Variants in ZFAND3 observed in about 807,000 individuals in gnomAD.
The protein encoded by ZFAND3 is AN1-type zinc finger protein 3.
Under a neutral mutation model 29.6 loss-of-function variants are expected in ZFAND3, and 10 were observed. That is an observed-to-expected ratio of 0.34 (90% CI 0.21 to 0.57). The LOEUF (loss-of-function observed/expected upper bound fraction) is 0.57. Among genes scored for constraint, ZFAND3 ranks in the 20% least tolerant of loss-of-function variants. The probability of loss-of-function intolerance (pLI) is 0.86; values close to 1 mark genes in which losing one functional copy is unlikely to be tolerated. For missense variants in ZFAND3, 230 were observed against 304.5 expected, an observed-to-expected ratio of 0.76 and a Z score of 1.82; for synonymous variants, 128 against 112.6, an observed-to-expected ratio of 1.14 and a Z score of -0.87.
At chr6:37,840,065 C>A (rs1387137580) in intron 1 of ZFAND3, among the ~76,000 whole-genome samples, 3 of 151,880 alleles carry the variant, frequency 2.0e-5, no homozygotes, top group Admixed American at 6.6e-5. Context: ...AATAGTTTTA[C>A]AGTTTTAGCT....
At chr6:38,063,528 G>C (rs1764283481) in intron 3 of ZFAND3, among the ~76,000 whole-genome samples, 1 of 152,150 alleles carries the variant, frequency 6.6e-6, no homozygotes, top group Admixed American at 6.5e-5. Context: ...TGGTCCTTAT[G>C]TATTAAAGAC....
intron 1 of ZFAND3, among the ~76,000 whole-genome samples, chr6:37,904,086 GA>G (rs1765367076): frequency 6.6e-6 from 1 of 152,166 alleles, no homozygotes; most frequent in African/African-American, 2.4e-5. Flanking sequence ...AATGCTGACA[GA>G]CCATTAACTA....
chr6:37,950,544 AT>A (rs1761980668), intron 2 of ZFAND3, among the ~76,000 whole-genome samples: 1 of 151,514 alleles, frequency 6.6e-6, no homozygotes, highest in African/African-American at 2.4e-5. Context: ...TGCCTGGCTA[AT>A]TTTTTTGTAT....
rs373171058 is a variant in ZFAND3, at chr6:38,082,407, A to G, written c.311A>G (p.Asp104Gly). Reference protein sequence around the residue: ...PSKEECGPCTDTAHVSLITPT... With the variant: ...PSKEECGPCTGTAHVSLITPT... ...CTGTTTCTAGGTGGGCCATGCACAG[A>G]CACAGCTCATGTCTCATTAATCACA... Residue 104 changes from aspartate (D) to glycine (G), a missense_variant, in exon 4 of 6, where the codon GAC becomes GGC. By Grantham distance (94) the Asp-to-Gly change is moderately conservative. Transcript: ENST00000287218. The G allele has an allele frequency of 3.1e-6, 5 of 1,612,086 alleles. No individual in the cohort carries two copies. In the African/African-American group the frequency reaches 6.7e-5, roughly 22 times the overall value.
rs143505536 is a variant in ZFAND3 at position 37,860,309 on chromosome 6, G to A, written c.71+40293G>A. Among the ~76,000 whole-genome samples the A allele has an allele frequency of 3.8e-3, 582 of 151,690 alleles. 4 individuals carry two copies. Among genetic ancestry groups the A allele is most frequent in the African/African-American group, 0.013 (546 of 41,308 alleles). ...AAATATTATGGTTTTAAAATGCATG[G>A]CCTCCAGTAGTTTTTGTGGCTTATA... On this transcript the variant is annotated intron_variant, in intron 1 of 5. Transcript: ENST00000287218.
chr6:38,072,183 A>G (rs997677268), intron 3 of ZFAND3, among the ~76,000 whole-genome samples: 1 of 152,048 alleles, frequency 6.6e-6, no homozygotes, highest in Non-Finnish European at 1.5e-5. Flanking sequence ...TGTCTTCAGT[A>G]CAAATAGGCA....
At chr6:37,913,501 A>G (rs1765559320) in intron 1 of ZFAND3, among the ~76,000 whole-genome samples, 2 of 152,140 alleles carry the variant, frequency 1.3e-5, no homozygotes, top group East Asian at 3.9e-4. Context: ...CACCACATCT[A>G]CAGTTATTTC....
intron 3 of ZFAND3, among the ~76,000 whole-genome samples, chr6:38,076,809 G>A (rs532643571): frequency 6.6e-6 from 1 of 152,260 alleles, no homozygotes; most frequent in South Asian, 2.1e-4. Flanking sequence ...TGTCCTTTCT[G>A]ATTAAAACAA....
intron 1 of ZFAND3, among the ~76,000 whole-genome samples, chr6:37,850,502 A>G (rs1032764641): frequency 2.0e-5 from 3 of 152,176 alleles, no homozygotes; most frequent in Non-Finnish European, 2.9e-5. Flanking sequence ...AGGTGGTCCT[A>G]TAAGATTATA....
At chr6:38,034,955 G>A (rs1330975139) in intron 2 of ZFAND3, among the ~76,000 whole-genome samples, 1 of 152,126 alleles carries the variant, frequency 6.6e-6, no homozygotes, top group Non-Finnish European at 1.5e-5. Flanking sequence ...GTATAGGATT[G>A]TTGATGGTTG....
chr6:37,899,029 G>A (rs568427529), intron 1 of ZFAND3, among the ~76,000 whole-genome samples: 2 of 152,222 alleles, frequency 1.3e-5, no homozygotes, highest in African/African-American at 4.8e-5. Flanking sequence ...GCAAGTAGCC[G>A]GTACTACAGG....
At chr6:37,979,088 C>T (rs1400104354) in intron 2 of ZFAND3, among the ~76,000 whole-genome samples, 1 of 151,526 alleles carries the variant, frequency 6.6e-6, no homozygotes, top group East Asian at 1.9e-4. Context: ...TTCCTTCCTT[C>T]TACTTTGAGT....
intron 1 of ZFAND3, among the ~76,000 whole-genome samples, chr6:37,855,219 A>G (rs1034059972): frequency 6.8e-6 from 1 of 146,498 alleles, no homozygotes; most frequent in Admixed American, 7.0e-5. Flanking sequence ...GTCTCGTCTC[A>G]CGGCAGCCTC....
intron 4 of ZFAND3, among the ~76,000 whole-genome samples, chr6:38,085,764 A>G (rs1268727465): frequency 6.6e-6 from 1 of 152,178 alleles, no homozygotes; most frequent in Non-Finnish European, 1.5e-5. Context: ...ATAAACAGCA[A>G]ATACACACAC....
At chr6:37,931,695 A>G (rs1761599570) in intron 2 of ZFAND3, among the ~76,000 whole-genome samples, 1 of 152,158 alleles carries the variant, frequency 6.6e-6, no homozygotes, top group African/African-American at 2.4e-5. Flanking sequence ...GGTCCAGAAG[A>G]GGGCTCAGAG....
At chr6:38,071,722 T>A (rs1764457948) in intron 3 of ZFAND3, among the ~76,000 whole-genome samples, 1 of 152,186 alleles carries the variant, frequency 6.6e-6, no homozygotes, top group African/African-American at 2.4e-5. Context: ...TTCTATGTTC[T>A]TGGCAAGAGA....
chr6:38,087,041 T>C (rs575675281), intron 4 of ZFAND3, among the ~76,000 whole-genome samples: 1 of 152,244 alleles, frequency 6.6e-6, no homozygotes, highest in South Asian at 2.1e-4. Flanking sequence ...TCCACACACC[T>C]ACAGTGAACT....
At chr6:38,043,898 C>T (rs1763845843) in intron 2 of ZFAND3, among the ~76,000 whole-genome samples, 1 of 152,084 alleles carries the variant, frequency 6.6e-6, no homozygotes, top group South Asian at 2.1e-4. Context: ...CCACCTTGAC[C>T]TCCCAAAGTG....
intron 2 of ZFAND3, among the ~76,000 whole-genome samples, chr6:37,994,611 A>C (rs1762817697): frequency 6.6e-6 from 1 of 152,200 alleles, no homozygotes; most frequent in African/African-American, 2.4e-5. Context: ...ATATTTATCA[A>C]ATACAGTGTA....
Sources: allele counts gnomAD v4.1 joint callset (sites outside exome capture counted in the v4.1 genomes callset), GRCh38; gene constraint gnomAD v4.1.1; transcripts MANE v1.5; gene names NCBI Gene and HGNC (gene_info 2026-07-23, HGNC 2026-07-21).